BEND7: variants seen among roughly 807,000 people sequenced by gnomAD.
BEND7 encodes BEN domain-containing protein 7.
A neutral mutation model predicts 50.9 loss-of-function variants in BEND7; 28 were observed. The observed-to-expected ratio is 0.55, with a 90% CI of 0.41 to 0.75. The LOEUF is 0.75. BEND7 is among the 30% of genes least tolerant of loss of function. BEND7 has a pLI of 0.00. For synonymous variants in BEND7, 170 were observed against 183.9 expected, an observed-to-expected ratio of 0.92 and a Z score of 0.61; for missense variants, 477 against 491.3, an observed-to-expected ratio of 0.97 and a Z score of 0.28.
At chr10:13,466,900 T>A (rs2074303336) in intron 6 of BEND7, among the ~76,000 whole-genome samples, 1 of 152,130 alleles carries the variant, frequency 6.6e-6, no homozygotes, top group Non-Finnish European at 1.5e-5. Context: ...AATGAACGCC[T>A]CCAGTGCCAG....
intron 2 of BEND7, among the ~76,000 whole-genome samples, chr10:13,503,834 TGAA>T (rs1342331990): frequency 6.6e-6 from 1 of 152,124 alleles, no homozygotes; most frequent in Admixed American, 6.5e-5. Context: ...CAGGGAAGGT[TGAA>T]GAAGGGCAGA....
intron 6 of BEND7, among the ~76,000 whole-genome samples, chr10:13,455,282 A>G (rs1256474713): frequency 6.6e-6 from 1 of 151,890 alleles, no homozygotes; most frequent in Non-Finnish European, 1.5e-5. Flanking sequence ...GCCCTGGGGA[A>G]CGCCACGCTG....
At chr10:13,503,467 C>A (rs2077630859) in intron 2 of BEND7, among the ~76,000 whole-genome samples, 1 of 152,158 alleles carries the variant, frequency 6.6e-6, no homozygotes, top group South Asian at 2.1e-4. Context: ...AATCCCAGCA[C>A]TTTGGGAGGC....
chr10:13,507,444 G>A lies in BEND7; in HGVS notation c.146-7364C>T, dbSNP rs190627053. ...CTACACTATTACACTATCATGTCCC[G>A]TTTTGTCCTATGTTAAAGAGGCCAT... On this transcript the variant is annotated intron_variant, in intron 2 of 8. Coordinates refer to ENST00000466271, the MANE Select transcript of BEND7 (RefSeq NM_001369863.1). Among the ~76,000 whole-genome samples, 405 of 152,246 alleles carry A rather than the reference G, an allele frequency of 2.7e-3. 4 individuals carry two copies. The highest frequency in any genetic ancestry group is 0.013 in the Admixed American group (202 of 15,288).
At chr10:13,443,576 C>T (rs1419832510) in intron 8 of BEND7, 2 of 152,244 alleles carry the variant, frequency 1.3e-5, no homozygotes, top group Non-Finnish European at 2.9e-5. Context: ...TTTAGTTGTC[C>T]TCCATGAGCA....
chr10:13,527,765 C>A (rs2079526077), intron 1 of BEND7: 1 of 865,866 alleles, frequency 1.2e-6, no homozygotes, highest in African/African-American at 1.8e-5. Context: ...AGACTCTTAA[C>A]AAGTAACTGA....
chr10:13,439,704 G>T (rs1436747000), downstream of BEND7, among the ~76,000 whole-genome samples: 1 of 152,116 alleles, frequency 6.6e-6, no homozygotes, highest in African/African-American at 2.4e-5. Flanking sequence ...TGTGGGTTTT[G>T]AGCCCCTTCC....
upstream of BEND7, among the ~76,000 whole-genome samples, chr10:13,529,241 C>T (rs958173817): frequency 8.1e-5 from 12 of 148,954 alleles, no homozygotes; most frequent in Non-Finnish European, 1.8e-4. Flanking sequence ...GGGACGACGC[C>T]GCCGCCCGGG....
At chr10:13,458,388 G>C (rs904951894) in intron 6 of BEND7, among the ~76,000 whole-genome samples, 106 of 152,190 alleles carry the variant, frequency 7.0e-4, no homozygotes, top group African/African-American at 1.4e-3. Context: ...TTCTCCTGAG[G>C]GACTTTTAAT....
intron 2 of BEND7, among the ~76,000 whole-genome samples, chr10:13,512,547 G>T (rs193235106): frequency 6.6e-6 from 1 of 152,178 alleles, no homozygotes; most frequent in Admixed American, 6.5e-5. Flanking sequence ...CCTTTTCAAT[G>T]TAAGTTGAAA....
chr10:13,526,396 C>T (rs1465374090), intron 1 of BEND7, among the ~76,000 whole-genome samples, 175 bp from the exon 2 acceptor site: 1 of 152,158 alleles, frequency 6.6e-6, no homozygotes, highest in Non-Finnish European at 1.5e-5. Context: ...TAAAACTTTG[C>T]TTATTCTGGA....
Position 13,457,206 on chromosome 10 carries a change from G to T in BEND7, c.1064-4548C>A, listed in dbSNP as rs530426045. Among the ~76,000 whole-genome samples the T allele has an allele frequency of 1.5e-4, 23 of 152,280 alleles. 1 individual carries two copies. The South Asian group carries it at 4.8e-3, about 32-fold the overall frequency. On this transcript the variant is annotated intron_variant, in intron 6 of 8. Coordinates refer to ENST00000466271, the MANE Select transcript of BEND7 (RefSeq NM_001369863.1). ...GTCATGGCTCCAAATTAACAAAGTG[G>T]ATTTGGACTATGCCACATTGAACGA...
chr10:13,456,585 A>G (rs1839026859), intron 6 of BEND7, among the ~76,000 whole-genome samples: 1 of 152,150 alleles, frequency 6.6e-6, no homozygotes, highest in Non-Finnish European at 1.5e-5. Context: ...TGCCCAATGT[A>G]TGATATGGGC....
chr10:13,476,305 G>A (rs1268467919), intron 6 of BEND7, among the ~76,000 whole-genome samples: 1 of 152,132 alleles, frequency 6.6e-6, no homozygotes, highest in African/African-American at 2.4e-5. Context: ...TACCAAACAA[G>A]GAGTGTTCCC....
chr10:13,507,115 G>T (rs559793426), intron 2 of BEND7, among the ~76,000 whole-genome samples: 8 of 152,268 alleles, frequency 5.3e-5, no homozygotes, highest in Middle Eastern at 3.4e-3. Flanking sequence ...TTAGGGGGTG[G>T]AGGACATCTT....
intron 3 of BEND7, 165 bp from the exon 4 acceptor site, chr10:13,497,053 C>T (rs748695280): frequency 1.2e-6 from 1 of 811,540 alleles, no homozygotes; most frequent in Non-Finnish European, 1.8e-6. Context: ...ATTATCACAA[C>T]CTAAATCTGG....
chr10:13,481,182 G>T, intron 5 of BEND7, 58 bp from the exon 6 acceptor site: 5 of 1,529,688 alleles, frequency 3.3e-6, no homozygotes, highest in Non-Finnish European at 4.5e-6. Flanking sequence ...CTGACTTTGG[G>T]TACATGAGCA....
chr10:13,464,518 C>T (rs2074032984), intron 6 of BEND7, among the ~76,000 whole-genome samples: 1 of 152,108 alleles, frequency 6.6e-6, no homozygotes, highest in Admixed American at 6.5e-5. Flanking sequence ...GAAAGATACA[C>T]ACCAACTCCA....
intron 2 of BEND7, among the ~76,000 whole-genome samples, chr10:13,525,250 CA>C (rs1428006615): frequency 6.6e-6 from 1 of 152,184 alleles, no homozygotes; most frequent in South Asian, 2.1e-4. Context: ...CTCTTAGAGG[CA>C]AAATCTTACG....
Sources: allele counts gnomAD v4.1 joint callset (sites outside exome capture counted in the v4.1 genomes callset), GRCh38; gene constraint gnomAD v4.1.1; transcripts MANE v1.5; gene names NCBI Gene and HGNC (gene_info 2026-07-23, HGNC 2026-07-21).